The following CTNNA2 variants were observed in gnomAD, a reference collection of about 807,000 sequenced individuals.
The protein encoded by CTNNA2 is catenin alpha 2.
A neutral mutation model predicts 101.0 loss-of-function variants in CTNNA2; 42 were observed. That is an observed-to-expected ratio of 0.42 (90% CI 0.32 to 0.54). The LOEUF is 0.54. Among genes scored for constraint, CTNNA2 ranks in the 20% least tolerant of loss-of-function variants. The pLI is 0.14. For missense variants in CTNNA2, 871 were observed against 1,223.1 expected, an observed-to-expected ratio of 0.71 and a Z score of 4.29; for synonymous variants, 450 against 456.4, an observed-to-expected ratio of 0.99 and a Z score of 0.18.
intron 2 of CTNNA2, among the ~76,000 whole-genome samples, chr2:79,244,150 G>A (rs903880902): frequency 1.7e-4 from 26 of 152,028 alleles, no homozygotes; most frequent in South Asian, 1.0e-3. Flanking sequence ...TTTGGAGACC[G>A]TTCTGCTTTT....
intron 9 of CTNNA2, among the ~76,000 whole-genome samples, chr2:80,421,998 C>T (rs1333849567): frequency 6.6e-6 from 1 of 152,006 alleles, no homozygotes; most frequent in Admixed American, 6.6e-5. Context: ...TGATAATTTC[C>T]TTTTGGATTT....
At chr2:79,453,899 C>A (rs1670782930) in intron 4 of CTNNA2, among the ~76,000 whole-genome samples, 1 of 152,102 alleles carries the variant, frequency 6.6e-6, no homozygotes. Flanking sequence ...CATCACCATT[C>A]AAACCAAAAT....
At chr2:80,219,375 T>C (rs1165202206) in intron 7 of CTNNA2, among the ~76,000 whole-genome samples, 1 of 152,248 alleles carries the variant, frequency 6.6e-6, no homozygotes, top group Non-Finnish European at 1.5e-5. Context: ...TCTATTATTA[T>C]CTTAATACAC....
chr2:79,450,454 C>G (rs1006197311), intron 4 of CTNNA2, among the ~76,000 whole-genome samples: 3 of 151,994 alleles, frequency 2.0e-5, no homozygotes, highest in African/African-American at 7.2e-5. Flanking sequence ...AACATGGCCA[C>G]TCTAACAGTG....
intron 7 of CTNNA2, among the ~76,000 whole-genome samples, chr2:80,235,133 AT>A (rs920043855): frequency 7.2e-5 from 11 of 152,194 alleles, no homozygotes; most frequent in Middle Eastern, 3.4e-3. Flanking sequence ...AAGCTTTGTG[AT>A]TTTTTTCATA....
chr2:79,953,674 A>C (rs1314097009), intron 7 of CTNNA2, among the ~76,000 whole-genome samples: 2 of 152,102 alleles, frequency 1.3e-5, no homozygotes, highest in Non-Finnish European at 2.9e-5. Flanking sequence ...TCCTCCAACA[A>C]CTTTTGTGTG....
At chr2:79,254,060 T>C (rs1674808217) in intron 2 of CTNNA2, among the ~76,000 whole-genome samples, 1 of 152,160 alleles carries the variant, frequency 6.6e-6, no homozygotes, top group Non-Finnish European at 1.5e-5. Flanking sequence ...ACTTTTTAAG[T>C]AAGATCAAGC....
At chr2:79,540,618 G>A (rs1312881181) in intron 1 of CTNNA2, among the ~76,000 whole-genome samples, 4 of 152,148 alleles carry the variant, frequency 2.6e-5, no homozygotes, top group South Asian at 4.1e-4. Flanking sequence ...TGACTCAATT[G>A]TTTTAGTTGA....
intron 7 of CTNNA2, among the ~76,000 whole-genome samples, chr2:80,186,788 C>G (rs1706158600): frequency 6.6e-6 from 1 of 152,236 alleles, no homozygotes; most frequent in African/African-American, 2.4e-5. Context: ...ATTTTTGTCT[C>G]TCTGCACATC....
chr2:79,820,695 A>G (rs979674815), intron 3 of CTNNA2, among the ~76,000 whole-genome samples: 1 of 152,222 alleles, frequency 6.6e-6, no homozygotes, highest in Non-Finnish European at 1.5e-5. Context: ...TTTATTTTGA[A>G]ACATGTCTGA....
intron 1 of CTNNA2, among the ~76,000 whole-genome samples, chr2:79,581,610 G>A (rs982729165): frequency 1.3e-5 from 2 of 151,802 alleles, no homozygotes; most frequent in African/African-American, 4.8e-5. Flanking sequence ...ATAGTGATTA[G>A]CCATTTCTGT....
At chr2:80,182,893 G>T (rs1051354425) in intron 7 of CTNNA2, among the ~76,000 whole-genome samples, 22 of 152,200 alleles carry the variant, frequency 1.4e-4, no homozygotes, top group African/African-American at 5.3e-4. Flanking sequence ...ACAAGGGCAA[G>T]GCGTTGACCC....
chr2:80,097,723 C>G (rs929883024), intron 7 of CTNNA2, among the ~76,000 whole-genome samples: 13 of 152,266 alleles, frequency 8.5e-5, no homozygotes, highest in Non-Finnish European at 1.8e-4. Context: ...TGTTTTTTCT[C>G]TAAACTTCTC....
At chr2:79,784,231 C>A (rs1357307458) in intron 3 of CTNNA2, among the ~76,000 whole-genome samples, 2 of 152,004 alleles carry the variant, frequency 1.3e-5, no homozygotes, top group Non-Finnish European at 2.9e-5. Flanking sequence ...TCTTAATATT[C>A]CACAGGCTTA....
chr2:79,835,720 G>A (rs2941757), intron 3 of CTNNA2, among the ~76,000 whole-genome samples: 1 of 120,102 alleles, frequency 8.3e-6, no homozygotes, highest in African/African-American at 3.8e-5. Flanking sequence ...GAGTGTTGCT[G>A]TGCCCGGATT....
At chr2:79,212,422 C>A (rs1268563399) in intron 2 of CTNNA2, among the ~76,000 whole-genome samples, 4 of 152,106 alleles carry the variant, frequency 2.6e-5, no homozygotes, top group Non-Finnish European at 4.4e-5. Flanking sequence ...TGAGGACAGG[C>A]CTGAATTCTG....
At chr2:79,464,128 C>T (rs543539215) in intron 4 of CTNNA2, among the ~76,000 whole-genome samples, 115 of 152,264 alleles carry the variant, frequency 7.6e-4, no homozygotes, top group African/African-American at 2.3e-3. Context: ...ATGCTATCCT[C>T]CCACTCCCAT....
At chr2:79,573,360 A>G (rs977854673) in intron 1 of CTNNA2, among the ~76,000 whole-genome samples, 3 of 152,204 alleles carry the variant, frequency 2.0e-5, no homozygotes, top group African/African-American at 7.2e-5. Context: ...TCATACCCAA[A>G]TGCAATTAAA....
At chr2:79,592,285 T>C (rs1322397342) in intron 1 of CTNNA2, among the ~76,000 whole-genome samples, 1 of 151,760 alleles carries the variant, frequency 6.6e-6, no homozygotes, top group African/African-American at 2.4e-5. Context: ...CACGCCCAGC[T>C]AATTTTTTTT....
Sources: gnomAD v4.1 joint callset for allele counts (sites outside exome capture counted in the v4.1 genomes callset) on GRCh38, gnomAD v4.1.1 for gene constraint, MANE v1.5 for transcripts, NCBI Gene and HGNC (gene_info 2026-07-23, HGNC 2026-07-21) for gene names.